Variants in PLCG2 observed in about 807,000 individuals in gnomAD.
The protein encoded by PLCG2 is phospholipase C gamma 2.
A neutral mutation model predicts 175.6 loss-of-function variants in PLCG2; 69 were observed. The ratio of observed to expected loss-of-function variants is 0.39; its 90% CI spans 0.32 to 0.48. The LOEUF (loss-of-function observed/expected upper bound fraction) is 0.48, where lower values mean the gene tolerates loss of function less well. PLCG2 is among the 20% of genes least tolerant of loss of function. The probability of loss-of-function intolerance (pLI) is 0.91; values close to 1 mark genes in which losing one functional copy is unlikely to be tolerated. For synonymous variants in PLCG2, 827 were observed against 624.0 expected (o/e 1.33, Z -4.85); for missense variants, 1,798 against 1,650.9 (o/e 1.09, Z -1.54).
intron 2 of PLCG2, chr16:81,766,655 T>G (rs985262758): frequency 1.3e-5 from 2 of 152,340 alleles, no homozygotes; most frequent in African/African-American, 4.8e-5. Flanking sequence ...TTACTGTCTG[T>G]CTTCAGTAGA....
At chr16:81,844,143 A>ATTTTTTTTTTTTTTTT (rs60183943) in intron 2 of PLCG2, among the ~76,000 whole-genome samples, 3 of 93,924 alleles carry the variant, frequency 3.2e-5, no homozygotes, top group Non-Finnish European at 6.0e-5. Flanking sequence ...CACCCGGCTG[A>ATTTTTTTTTTTTTTTT]TTTTTTTTTT....
intron 1 of PLCG2, chr16:81,755,747 A>G (rs913343673): frequency 2.6e-5 from 4 of 151,874 alleles, no homozygotes; most frequent in African/African-American, 7.3e-5. Context: ...GCTAGTCTCC[A>G]ATTCCTGACC....
chr16:81,876,397 G>A (rs532712833), intron 7 of PLCG2, among the ~76,000 whole-genome samples: 33 of 152,194 alleles, frequency 2.2e-4, no homozygotes, highest in Non-Finnish European at 4.0e-4. Flanking sequence ...GTACCACTGA[G>A]TGCGTAAGAC....
At chr16:81,946,945 C>CTGAAG (rs1308435114) in intron 31 of PLCG2, among the ~76,000 whole-genome samples, 1 of 151,996 alleles carries the variant, frequency 6.6e-6, no homozygotes, top group African/African-American at 2.4e-5. Context: ...CCCCAGCTCA[C>CTGAAG]TGAAGATCTG....
intron 30 of PLCG2, among the ~76,000 whole-genome samples, chr16:81,945,523 A>C (rs1911115966): frequency 6.6e-6 from 1 of 152,204 alleles, no homozygotes; most frequent in African/African-American, 2.4e-5. Flanking sequence ...TTTTATACTA[A>C]AACAAGCCAG....
At chr16:81,830,709 A>G (rs1905227186) in intron 2 of PLCG2, among the ~76,000 whole-genome samples, 1 of 151,900 alleles carries the variant, frequency 6.6e-6, no homozygotes, top group African/African-American at 2.4e-5. Context: ...ATGTATATAT[A>G]TGAATGAAAT....
At chr16:81,956,934 T>G in intron 32 of PLCG2, 55 bp downstream of exon 32, 145 of 1,456,138 alleles carry the variant, frequency 1.0e-4, no homozygotes, top group Non-Finnish European at 1.3e-4. Context: ...GGCACGGTGA[T>G]GATGGGCACC....
intron 2 of PLCG2, among the ~76,000 whole-genome samples, chr16:81,853,856 C>G (rs888981018): frequency 6.6e-6 from 1 of 152,176 alleles, no homozygotes; most frequent in Non-Finnish European, 1.5e-5. Context: ...ACTCTCTTCT[C>G]ACAGGCCCTG....
chr16:81,931,715 T>G, intron 25 of PLCG2, 61 bp downstream of exon 25: 1 of 1,505,946 alleles, frequency 6.6e-7, no homozygotes, highest in Non-Finnish European at 9.2e-7. Flanking sequence ...TGGTGCTCAG[T>G]TGGGACTGTG....
At chr16:81,827,243 G>T (rs991111791) in intron 2 of PLCG2, among the ~76,000 whole-genome samples, 4 of 151,156 alleles carry the variant, frequency 2.6e-5, no homozygotes, top group South Asian at 2.1e-4. Flanking sequence ...CTGGAGTGCA[G>T]TGGTGCCACT....
intron 2 of PLCG2, among the ~76,000 whole-genome samples, chr16:81,795,005 G>A (rs528967750): frequency 6.6e-6 from 1 of 152,262 alleles, no homozygotes; most frequent in South Asian, 2.1e-4. Context: ...TTCAAGAGTT[G>A]TCTTCTATCC....
At chr16:81,877,974 T>A (rs1413878352) in intron 7 of PLCG2, among the ~76,000 whole-genome samples, 1 of 3,222 alleles carries the variant, frequency 3.1e-4, no homozygotes, top group South Asian at 0.015. Context: ...TTTTTTTTAA[T>A]TTTTTTTTTT....
intron 1 of PLCG2, among the ~76,000 whole-genome samples, chr16:81,754,078 G>A (rs886790816): frequency 9.2e-5 from 14 of 152,170 alleles, no homozygotes; most frequent in Admixed American, 5.2e-4. Flanking sequence ...GGCCTGAAAG[G>A]ACTTCGCTCC....
chr16:81,938,363 A>T (rs761167735), intron 28 of PLCG2: 6 of 189,940 alleles, frequency 3.2e-5, no homozygotes, highest in Non-Finnish European at 6.5e-5. Flanking sequence ...ATTTCTCCTA[A>T]GGTTAAGGGC....
chr16:81,825,368 A>C (rs1478221234), intron 2 of PLCG2, among the ~76,000 whole-genome samples: 11 of 147,026 alleles, frequency 7.5e-5, no homozygotes, highest in Middle Eastern at 3.5e-3. Flanking sequence ...AGCTCACTGC[A>C]ACCTCTGTCT....
intron 2 of PLCG2, among the ~76,000 whole-genome samples, chr16:81,839,413 A>G (rs1905702009): frequency 6.6e-6 from 1 of 152,166 alleles, no homozygotes; most frequent in Non-Finnish European, 1.5e-5. Flanking sequence ...TAATTTTGAT[A>G]CACAGTACTG....
At chr16:81,816,986 C>G (rs910681250) in intron 2 of PLCG2, among the ~76,000 whole-genome samples, 5 of 152,186 alleles carry the variant, frequency 3.3e-5, no homozygotes, top group African/African-American at 1.2e-4. Flanking sequence ...GCACAGTTAC[C>G]CATTTATTGC....
Position 81,958,169 on chromosome 16 carries a change from C to G in PLCG2, c.*171C>G. On this transcript the variant is annotated 3_prime_UTR_variant, in exon 33 of 33. Transcript: ENST00000564138. ...AACTGGCATGAGTTGGGGTAATTTC[C>G]TATTATTTTCATCTTGGACAACTTT... The G allele has an allele frequency of 1.7e-6, 1 of 595,092 alleles. No homozygotes were observed. The highest frequency in any genetic ancestry group is 2.9e-5 in the Admixed American group (1 of 34,042). The allele number at this position is 595,092 out of a possible 1,614,324, so 36.9% of individuals were successfully genotyped here. A position where few individuals can be genotyped will look rare whatever the true frequency, so the allele number is the denominator to read the frequency against.
intron 2 of PLCG2, among the ~76,000 whole-genome samples, chr16:81,823,520 G>A (rs995884485): frequency 3.9e-5 from 6 of 152,092 alleles, no homozygotes; most frequent in African/African-American, 1.4e-4. Context: ...TAAGATGACT[G>A]TTTTCTTGTT....
Sources: allele counts gnomAD v4.1 joint callset (sites outside exome capture counted in the v4.1 genomes callset), GRCh38; gene constraint gnomAD v4.1.1; transcripts MANE v1.5; gene names NCBI Gene and HGNC (gene_info 2026-07-23, HGNC 2026-07-21).